The following GRID2 variants were observed in gnomAD, a reference collection of about 807,000 sequenced individuals.
The protein encoded by GRID2 is glutamate receptor ionotropic, delta-2.
GRID2 carries 33 observed loss-of-function variants against 114.8 expected under a neutral mutation model. The ratio of observed to expected loss-of-function variants is 0.29; its 90% confidence interval spans 0.22 to 0.38. The LOEUF is 0.38. GRID2 is among the 10% of genes least tolerant of loss of function. The pLI, the probability that GRID2 is intolerant of heterozygous loss-of-function variation, is 1.00. For synonymous variants in GRID2, 505 were observed against 449.9 expected (o/e 1.12, Z -1.55); for missense variants, 1,184 against 1,257.7 (o/e 0.94, Z 0.89).
intron 2 of GRID2, among the ~76,000 whole-genome samples, chr4:92,719,532 C>G (rs1735711726): frequency 6.6e-6 from 1 of 152,042 alleles, no homozygotes; most frequent in South Asian, 2.1e-4. Context: ...TGCTTAATAG[C>G]AACTATTTCA....
intron 7 of GRID2, 38 bp from the exon 8 acceptor site, chr4:93,238,331 ACT>A: frequency 6.9e-7 from 1 of 1,446,834 alleles, no homozygotes; most frequent in Non-Finnish European, 9.5e-7. Context: ...TTATTTTTTT[ACT>A]TCTCAAATTT....
At chr4:92,592,839 G>A in intron 2 of GRID2, among the ~76,000 whole-genome samples, 1 of 149,992 alleles carries the variant, frequency 6.7e-6, no homozygotes, top group South Asian at 2.1e-4. Flanking sequence ...TTTGTAAAAC[G>A]GTGGCTTGAA....
intron 1 of GRID2, among the ~76,000 whole-genome samples, chr4:92,475,722 G>C (rs370964513): frequency 6.6e-6 from 1 of 151,716 alleles, no homozygotes; most frequent in Non-Finnish European, 1.5e-5. Context: ...TCATGGGGGC[G>C]TTCATAGGCA....
At chr4:93,749,061 A>G (rs1165018988) in intron 14 of GRID2, among the ~76,000 whole-genome samples, 2 of 148,334 alleles carry the variant, frequency 1.3e-5, no homozygotes, top group Non-Finnish European at 3.0e-5. Context: ...TAAGTTAGCA[A>G]AAGTGGGTGG....
intron 2 of GRID2, among the ~76,000 whole-genome samples, chr4:92,735,559 G>C (rs922667966): frequency 1.3e-5 from 2 of 152,086 alleles, no homozygotes; most frequent in African/African-American, 4.8e-5. Context: ...GGAAATAAAA[G>C]TATAATCTTC....
chr4:93,604,730 T>G (rs1266975502), intron 13 of GRID2, among the ~76,000 whole-genome samples: 1 of 152,276 alleles, frequency 6.6e-6, no homozygotes, highest in South Asian at 2.1e-4. Flanking sequence ...CCCTGATCAG[T>G]CAGTAGCCAT....
chr4:93,479,449 T>C (rs1273788677), intron 11 of GRID2, among the ~76,000 whole-genome samples: 2 of 152,088 alleles, frequency 1.3e-5, no homozygotes, highest in Non-Finnish European at 2.9e-5. Flanking sequence ...GCTCACATGA[T>C]TATGGAGGCT....
At chr4:92,759,458 A>G (rs1461477537) in intron 2 of GRID2, among the ~76,000 whole-genome samples, 3 of 152,024 alleles carry the variant, frequency 2.0e-5, no homozygotes, top group African/African-American at 4.8e-5. Flanking sequence ...CTTCCCCCCA[A>G]TACTTTTCAT....
At chr4:92,745,721 T>C (rs1306440830) in intron 2 of GRID2, among the ~76,000 whole-genome samples, 1 of 152,134 alleles carries the variant, frequency 6.6e-6, no homozygotes, top group Admixed American at 6.5e-5. Flanking sequence ...ATTTGGTGTG[T>C]GGTGGTGGTG....
chr4:92,925,889 A>C (rs1749769730), intron 2 of GRID2, among the ~76,000 whole-genome samples: 1 of 152,004 alleles, frequency 6.6e-6, no homozygotes, highest in East Asian at 1.9e-4. Flanking sequence ...GTTCAAAGGG[A>C]CAAGAGTTAG....
intron 2 of GRID2, among the ~76,000 whole-genome samples, chr4:93,062,019 A>G (rs1727853101): frequency 6.6e-6 from 1 of 152,148 alleles, no homozygotes; most frequent in Non-Finnish European, 1.5e-5. Context: ...TAGGTAATAC[A>G]TTAGAATATT....
At position 93,497,586 on chromosome 4, in the gene GRID2, C is replaced by G. The variant is rs572387252; in HGVS notation, c.1997+6809C>G. Among the ~76,000 whole-genome samples the G allele has an allele frequency of 2.0e-4, 30 of 151,758 alleles. 1 individual carries two copies. The highest frequency in any genetic ancestry group is 4.3e-4 in the African/African-American group (18 of 41,446). On this transcript the variant is annotated intron_variant, in intron 12 of 15. Transcript: ENST00000282020. ...TTTTCACTATGGATATTCAAATGCT[C>G]AAGCAGCATTGCTGAAAAGACTATC...
chr4:92,595,499 C>T (rs62310139), intron 2 of GRID2, among the ~76,000 whole-genome samples: 13,040 of 151,902 alleles, frequency 0.086, 656 homozygotes, highest in East Asian at 0.17. Flanking sequence ...GTCTGGTAGA[C>T]CTTACGACTA....
intron 13 of GRID2, among the ~76,000 whole-genome samples, chr4:93,555,904 G>A (rs142567570): frequency 0.011 from 1,669 of 152,330 alleles, 25 homozygotes; most frequent in African/African-American, 0.038. Context: ...AGCTTCCAGA[G>A]GAAGGAACAG....
chr4:92,663,142 G>A (rs1732599824), intron 2 of GRID2, among the ~76,000 whole-genome samples: 1 of 150,994 alleles, frequency 6.6e-6, no homozygotes, highest in Non-Finnish European at 1.5e-5. Flanking sequence ...TGATACAAGT[G>A]AAGTGACTTG....
At chr4:93,432,082 G>A (rs1373772231) in intron 10 of GRID2, among the ~76,000 whole-genome samples, 1 of 152,214 alleles carries the variant, frequency 6.6e-6, no homozygotes, top group African/African-American at 2.4e-5. Flanking sequence ...CAGTCTACAG[G>A]AGAGTGGTGA....
intron 1 of GRID2, among the ~76,000 whole-genome samples, chr4:92,305,018 C>T (rs1725302717): frequency 6.6e-6 from 1 of 152,136 alleles, no homozygotes; most frequent in African/African-American, 2.4e-5. Context: ...TGAGTGTGTG[C>T]TGGGAACTGC....
Position 92,317,578 on chromosome 4 carries a change from G to A in GRID2, c.88+12834G>A, listed in dbSNP as rs536021923. Among the ~76,000 whole-genome samples, 10 of 152,244 alleles carry A rather than the reference G, an allele frequency of 6.6e-5. No homozygotes were observed. In the East Asian group the frequency reaches 1.7e-3, roughly 26 times the overall value. The stretch of plus-strand genomic sequence containing the variant: ...TCTACCCTTCAGTGGCAATACTAAT[G>A]AGCAGTGAAATGGCCAAAAGCAAGA... On this transcript the variant is annotated intron_variant, in intron 1 of 15. Coordinates refer to ENST00000282020, the MANE Select transcript of GRID2 (RefSeq NM_001510.4).
intron 4 of GRID2, among the ~76,000 whole-genome samples, chr4:93,155,727 T>C (rs1737120645): frequency 1.3e-5 from 2 of 151,710 alleles, no homozygotes; most frequent in Non-Finnish European, 2.9e-5. Context: ...AATGACTTCA[T>C]GTGGACAGAG....
Sources: gnomAD v4.1 joint callset for allele counts (sites outside exome capture counted in the v4.1 genomes callset) on GRCh38, gnomAD v4.1.1 for gene constraint, MANE v1.5 for transcripts, NCBI Gene and HGNC (gene_info 2026-07-23, HGNC 2026-07-21) for gene names.